Variants in DUSP19 observed in about 807,000 individuals in gnomAD.
DUSP19 encodes the protein dual specificity protein phosphatase 19.
DUSP19 carries 14 observed loss-of-function variants against 16.6 expected under a neutral mutation model. That is an observed-to-expected ratio of 0.84 (90% CI 0.56 to 1.32). The LOEUF (loss-of-function observed/expected upper bound fraction) is 1.32. Ranked by LOEUF, DUSP19 falls within the 40% of genes most tolerant of loss-of-function variation. The pLI, the probability that DUSP19 is intolerant of heterozygous loss-of-function variation, is 0.00. For missense variants in DUSP19, 258 were observed against 255.9 expected (o/e 1.01, Z -0.06); for synonymous variants, 81 against 90.5 (o/e 0.90, Z 0.59).
rs16823982 is a variant in DUSP19, at chr2:183,094,273, C to T, written c.427-1158C>T. Among the ~76,000 whole-genome samples the T allele has an allele frequency of 2.3e-3, 355 of 152,180 alleles. 2 individuals carry two copies. Among genetic ancestry groups the T allele is most frequent in the Admixed American group, 7.7e-3 (117 of 15,290 alleles). On this transcript the variant is annotated intron_variant, in intron 3 of 3. Transcript: ENST00000354221. The stretch of plus-strand genomic sequence containing the variant: ...GGAGTTTTGCAACAGATGTCTGAAT[C>T]GGAAAACTGCCTTGCAGAAGTAAAA...
chr2:183,095,082 A>T (rs1156692732), intron 3 of DUSP19, among the ~76,000 whole-genome samples: 3 of 152,042 alleles, frequency 2.0e-5, no homozygotes, highest in Admixed American at 6.5e-5. Flanking sequence ...TTAGGTTTTT[A>T]TGTGTACTTT....
intron 3 of DUSP19, among the ~76,000 whole-genome samples, chr2:183,093,071 C>A (rs72890370): frequency 0.033 from 5,086 of 152,174 alleles, 110 homozygotes; most frequent in Non-Finnish European, 0.044. Flanking sequence ...CTGTTAACAA[C>A]TATTAATTAC....
At chr2:183,093,866 C>A (rs541940745) in intron 3 of DUSP19, among the ~76,000 whole-genome samples, 1 of 152,088 alleles carries the variant, frequency 6.6e-6, no homozygotes, top group African/African-American at 2.4e-5. Flanking sequence ...TTGCAAGTTT[C>A]TTTGGAGTAT....
In DUSP19 at chr2:183,095,571, A is replaced by T; in HGVS notation, c.567A>T (p.Pro189=). The change falls in exon 4 of 4, where the codon CCA becomes CCT. Residue 189 remains proline (P), a synonymous_variant. Coordinates refer to ENST00000354221, the MANE Select transcript of DUSP19 (RefSeq NM_080876.4). ...LVKNARPSIC[P]NSGFMEQLRT... ...AAAATGCAAGACCTTCCATATGTCC[A>T]AATTCTGGCTTCATGGAGCAGCTTC... The T allele has an allele frequency of 6.2e-7, 1 of 1,614,122 alleles. No individual in the cohort carries two copies.
chr2:183,084,811 A>G (rs532515140), intron 2 of DUSP19, among the ~76,000 whole-genome samples: 1 of 152,350 alleles, frequency 6.6e-6, no homozygotes, highest in South Asian at 2.1e-4. Flanking sequence ...GCAGTAATCT[A>G]AGGAAAAGAT....
At chr2:183,085,883 T>TTTTTTTTTTG (rs1699655495) in intron 2 of DUSP19, among the ~76,000 whole-genome samples, 1 of 107,682 alleles carries the variant, frequency 9.3e-6, no homozygotes, top group Admixed American at 1.0e-4. Flanking sequence ...TTTTTTTTTT[T>TTTTTTTTTTG]GAGGCAGAGT....
Position 183,096,609 on chromosome 2 carries a change from C to T in DUSP19, c.*951C>T, listed in dbSNP as rs1014428584. The stretch of plus-strand genomic sequence containing the variant: ...TTTAATGTATAGGTGTTCTGTCATA[C>T]GTTATTGTGAGCTTTGGTTCTTTGA... On this transcript the variant is annotated 3_prime_UTR_variant, in exon 4 of 4. Transcript: ENST00000354221. 1 of 149,874 alleles carries T rather than the reference C, an allele frequency of 6.7e-6. No individual in the cohort carries two copies. Among genetic ancestry groups the T allele is most frequent in the Non-Finnish European group, 1.5e-5 (1 of 67,682 alleles). The allele number at this position is 149,874 out of a possible 1,614,324, so 9.3% of individuals were successfully genotyped here. A position where few individuals can be genotyped will look rare whatever the true frequency, so the allele number is the denominator to read the frequency against.
chr2:183,080,738 T>C (rs1456538781), intron 1 of DUSP19, among the ~76,000 whole-genome samples: 2 of 152,226 alleles, frequency 1.3e-5, no homozygotes, highest in Non-Finnish European at 2.9e-5. Context: ...CTCCCCAGGA[T>C]AGTGGGAGAG....
Position 183,097,195 on chromosome 2 carries a change from T to G in DUSP19, c.*1537T>G, listed in dbSNP as rs911278507. ...TGTGCGCCACCACATCTGGCTAATT[T>G]TATTTTTATTTTTGTAGAGACAGGA... On this transcript the variant is annotated 3_prime_UTR_variant, in exon 4 of 4. Transcript: ENST00000354221. 1.3e-5 allele frequency: 2 copies of G among 152,124 alleles called. No individual in the cohort carries two copies. Among genetic ancestry groups the G allele is most frequent in the African/African-American group, 4.8e-5 (2 of 41,368 alleles). The allele number at this position is 152,124 out of a possible 1,614,324, so 9.4% of individuals were successfully genotyped here. A position where few individuals can be genotyped will look rare whatever the true frequency, so the allele number is the denominator to read the frequency against.
chr2:183,078,829 C>T lies in DUSP19; in HGVS notation c.-105C>T. On this transcript the variant is annotated 5_prime_UTR_variant, in exon 1 of 4. Transcript: ENST00000354221. ...CTGCGGTTACCTGGATGGGCGAGCA[C>T]CTCTGAGGCTGGCTTTGTTACCTGG... 9.9e-7 allele frequency: 1 copy of T among 1,006,730 alleles called. No individual in the cohort carries two copies. Among genetic ancestry groups the T allele is most frequent in the Non-Finnish European group, 1.5e-6 (1 of 679,436 alleles). 62.4% of individuals were successfully genotyped at this position (1,006,730 alleles called of 1,614,324 possible). A position where few individuals can be genotyped will look rare whatever the true frequency, so the allele number is the denominator to read the frequency against.
chr2:183,092,701 T>TG (rs1227825075), intron 3 of DUSP19, among the ~76,000 whole-genome samples: 4 of 144,596 alleles, frequency 2.8e-5, no homozygotes, highest in Non-Finnish European at 6.1e-5. Flanking sequence ...CTGCCCAAGT[T>TG]TTTTTTTTTT....
At chr2:183,081,159 C>T (rs905028132) in intron 1 of DUSP19, among the ~76,000 whole-genome samples, 1 of 152,170 alleles carries the variant, frequency 6.6e-6, no homozygotes, top group African/African-American at 2.4e-5. Context: ...TACATAGGCC[C>T]TCGAACCATT....
intron 1 of DUSP19, among the ~76,000 whole-genome samples, chr2:183,081,732 T>A: frequency 6.6e-6 from 1 of 152,242 alleles, no homozygotes; most frequent in East Asian, 1.9e-4. Flanking sequence ...TTTGATAGGC[T>A]AACTTTTAAG....
At chr2:183,082,289 T>TTGTTAACA (rs1321422644) in intron 1 of DUSP19, among the ~76,000 whole-genome samples, 7 of 152,156 alleles carry the variant, frequency 4.6e-5, no homozygotes, top group African/African-American at 1.7e-4. Flanking sequence ...TGCAACCCCA[T>TTGTTAACA]TGTTAACATT....
intron 2 of DUSP19, among the ~76,000 whole-genome samples, chr2:183,086,612 G>T (rs1219912778): frequency 7.0e-6 from 1 of 142,598 alleles, no homozygotes; most frequent in East Asian, 2.0e-4. Flanking sequence ...TTCGAGACCA[G>T]CCTGGGCAAA....
intron 2 of DUSP19, among the ~76,000 whole-genome samples, chr2:183,086,524 A>T (rs1397222855): frequency 1.3e-5 from 2 of 151,904 alleles, no homozygotes; most frequent in African/African-American, 2.4e-5. Flanking sequence ...GAAAATATAT[A>T]GGCCAGGTGT....
intron 3 of DUSP19, among the ~76,000 whole-genome samples, chr2:183,092,563 A>G (rs950519737): frequency 1.3e-5 from 2 of 152,118 alleles, no homozygotes; most frequent in Non-Finnish European, 1.5e-5. Flanking sequence ...CCTGCAAAGG[A>G]CATGATCTCA....
chr2:183,096,965 A>T lies in DUSP19; in HGVS notation c.*1307A>T, dbSNP rs536408631. ...ATTATAAATTTGCTTAAAGATTTTGATTTTTTCTTCAGAATATGGTATACT... is the reference window on the plus strand; with the variant it reads ...ATTATAAATTTGCTTAAAGATTTTGTTTTTTTCTTCAGAATATGGTATACT... On this transcript the variant is annotated 3_prime_UTR_variant, in exon 4 of 4. Coordinates refer to ENST00000354221, the MANE Select transcript of DUSP19 (RefSeq NM_080876.4). The T allele has an allele frequency of 6.7e-6, 1 of 148,982 alleles. No individual in the cohort carries two copies. Among genetic ancestry groups the T allele is most frequent in the Admixed American group, 6.7e-5 (1 of 14,888 alleles). The allele number at this position is 148,982 out of a possible 1,614,324, so 9.2% of individuals were successfully genotyped here.
chr2:183,095,940 T>C lies in DUSP19; in HGVS notation c.*282T>C. The C allele has an allele frequency of 4.8e-6, 1 of 206,682 alleles. No homozygotes were observed. The highest frequency in any genetic ancestry group is 9.6e-6 in the Non-Finnish European group (1 of 103,754). 12.8% of individuals were successfully genotyped at this position (206,682 alleles called of 1,614,324 possible). ...CATTGCTTTCTGTAGAAGAAAAAGG[T>C]TTAAATTTAAAATGTGTATTTAGAG... On this transcript the variant is annotated 3_prime_UTR_variant, in exon 4 of 4. Coordinates refer to ENST00000354221, the MANE Select transcript of DUSP19 (RefSeq NM_080876.4).
Sources: gnomAD v4.1 joint callset for allele counts (sites outside exome capture counted in the v4.1 genomes callset) on GRCh38, gnomAD v4.1.1 for gene constraint, MANE v1.5 for transcripts, NCBI Gene and HGNC (gene_info 2026-07-23, HGNC 2026-07-21) for gene names.